Variants in TIAM2 observed in about 807,000 individuals in gnomAD.
TIAM2 encodes TIAM Rac1 associated GEF 2.
In TIAM2, 80 loss-of-function variants were observed where a neutral mutation model predicts 152.9. That is an observed-to-expected ratio of 0.52 (90% CI 0.44 to 0.63). TIAM2 has a LOEUF of 0.63. Ranked by LOEUF, TIAM2 falls within the 30% of genes least tolerant of loss-of-function variation. The pLI is 0.00. For missense variants in TIAM2, 1,965 were observed against 2,120.1 expected, an observed-to-expected ratio of 0.93 and a Z score of 1.44; for synonymous variants, 804 against 838.0, an observed-to-expected ratio of 0.96 and a Z score of 0.70.
chr6:155,125,675 C>T (rs1010772355), intron 2 of TIAM2, among the ~76,000 whole-genome samples: 5 of 152,050 alleles, frequency 3.3e-5, no homozygotes, highest in Admixed American at 2.0e-4. Flanking sequence ...CCTGTCTCTA[C>T]TAAAATCAGA....
chr6:155,241,400 C>T (rs890305449), intron 16 of TIAM2, among the ~76,000 whole-genome samples: 3 of 152,142 alleles, frequency 2.0e-5, no homozygotes, highest in African/African-American at 4.8e-5. Flanking sequence ...CAGCGCGGCA[C>T]GGTGCGGTGG....
At chr6:155,200,225 T>A (rs1781445466) in intron 14 of TIAM2, among the ~76,000 whole-genome samples, 1 of 152,216 alleles carries the variant, frequency 6.6e-6, no homozygotes, top group East Asian at 1.9e-4. Context: ...GGTCTTGTGA[T>A]CATCTGGGGC....
chr6:155,198,947 G>A (rs1781416529), intron 14 of TIAM2, among the ~76,000 whole-genome samples: 3 of 152,136 alleles, frequency 2.0e-5, no homozygotes, highest in Admixed American at 2.0e-4. Flanking sequence ...GGGAGTCCAC[G>A]GAGCCTAGCT....
chr6:155,074,080 C>T lies in TIAM2; in HGVS notation c.-208-16209C>T, dbSNP rs867903675. 3.3e-5 allele frequency among the ~76,000 whole-genome samples: 5 copies of T among 152,220 alleles called. No homozygotes were observed. The South Asian group carries it at 1.0e-3, about 32-fold the overall frequency. On this transcript the variant is annotated intron_variant, in intron 1 of 26. Transcript: ENST00000682666. The stretch of plus-strand genomic sequence containing the variant: ...CACAGTTGCTATCCTGTATTGATGA[C>T]ACCATTATGATACCAGGTCCTACTT...
chr6:155,112,125 CTT>C (rs34148436), intron 2 of TIAM2, among the ~76,000 whole-genome samples: 118 of 131,358 alleles, frequency 9.0e-4, no homozygotes, highest in African/African-American at 2.9e-3. Flanking sequence ...TTGGTTTCCT[CTT>C]TTTTTTTTTT....
At chr6:155,029,135 T>TTA (rs1249555799) in intron 1 of TIAM2, among the ~76,000 whole-genome samples, 5 of 121,022 alleles carry the variant, frequency 4.1e-5, no homozygotes, top group African/African-American at 1.5e-4. Flanking sequence ...GTACTATGTG[T>TTA]TATATACACT....
At chr6:155,074,561 G>A (rs767290398) in intron 1 of TIAM2, among the ~76,000 whole-genome samples, 10 of 151,992 alleles carry the variant, frequency 6.6e-5, no homozygotes, top group Non-Finnish European at 1.5e-4. Flanking sequence ...TGGGCCAGGT[G>A]GGTCTCGAAC....
intron 20 of TIAM2, among the ~76,000 whole-genome samples, 180 bp downstream of exon 20, chr6:155,248,359 T>TG (rs905873198): frequency 1.1e-4 from 17 of 152,250 alleles, no homozygotes; most frequent in Non-Finnish European, 4.4e-5. Context: ...GCTAGGCGTC[T>TG]GGGCACTCCT....
At chr6:155,230,558 G>A (rs1351666472) in intron 15 of TIAM2, among the ~76,000 whole-genome samples, 5 of 113,720 alleles carry the variant, frequency 4.4e-5, no homozygotes, top group Non-Finnish European at 9.4e-5. Flanking sequence ...TCATCAAAGT[G>A]TCTTTATGGA....
intron 1 of TIAM2, among the ~76,000 whole-genome samples, chr6:155,044,069 T>C (rs1394165802): frequency 6.6e-6 from 1 of 152,232 alleles, no homozygotes; most frequent in African/African-American, 2.4e-5. Flanking sequence ...AAGCTTGCCT[T>C]AGATTATATC....
intron 1 of TIAM2, among the ~76,000 whole-genome samples, chr6:155,017,376 C>G (rs1175507791): frequency 6.6e-6 from 1 of 151,958 alleles, no homozygotes; most frequent in East Asian, 1.9e-4. Flanking sequence ...CTGGGGAGAC[C>G]AGGGTAGATG....
In TIAM2 at chr6:155,187,573, C is replaced by CTTTTTTTTTTTTTTTTTTTTTT. The variant is rs59818801; in HGVS notation, c.3064+4075_3064+4096dup. ...AACCCCCCCTCCCCCACCCCGCCCC[C>CTTTTTTTTTTTTTTTTTTTTTT]TTTTTTTTTTTTTTTTTTTTTTTGA... On this transcript the variant is annotated intron_variant, in intron 14 of 26. Coordinates refer to ENST00000682666, the MANE Select transcript of TIAM2 (RefSeq NM_012454.4). Among the ~76,000 whole-genome samples the CTTTTTTTTTTTTTTTTTTTTTT allele has an allele frequency of 2.6e-3, 129 of 49,622 alleles. 4 individuals are homozygous for CTTTTTTTTTTTTTTTTTTTTTT. Among genetic ancestry groups the CTTTTTTTTTTTTTTTTTTTTTT allele is most frequent in the Non-Finnish European group, 3.8e-3 (104 of 27,078 alleles). The allele number at this position is 49,622 out of a possible 152,430, so 32.6% of individuals were successfully genotyped here. A position where few individuals can be genotyped will look rare whatever the true frequency, so the allele number is the denominator to read the frequency against.
intron 1 of TIAM2, among the ~76,000 whole-genome samples, chr6:155,088,688 C>A (rs146814241): frequency 6.6e-6 from 1 of 152,314 alleles, no homozygotes; most frequent in East Asian, 1.9e-4. Flanking sequence ...AGTCCCCTTG[C>A]TCTAAGGCAA....
intron 1 of TIAM2, among the ~76,000 whole-genome samples, chr6:155,033,708 TTTTC>T (rs1776865139): frequency 6.6e-6 from 1 of 151,136 alleles, no homozygotes; most frequent in Non-Finnish European, 1.5e-5. Context: ...CTTGGCTTTC[TTTTC>T]TTTCTTTCTT....
At position 155,018,537 on chromosome 6, in the gene TIAM2, T is replaced by A. The variant is rs188469862; in HGVS notation, c.-209+23045T>A. Among the ~76,000 whole-genome samples the A allele has an allele frequency of 4.4e-4, 66 of 151,276 alleles. 1 individual carries two copies. Among genetic ancestry groups the A allele is most frequent in the African/African-American group, 1.6e-3 (65 of 41,212 alleles). On this transcript the variant is annotated intron_variant, in intron 1 of 26. Coordinates refer to ENST00000682666, the MANE Select transcript of TIAM2 (RefSeq NM_012454.4). ...AGGAGGCTGAGGCACAAGAATTGCT[T>A]GAACCAGGGGGGCGGAACTTTTAGT... is the stretch of plus-strand genomic sequence containing the variant.
At chr6:155,244,561 A>G (rs1057464604) in intron 17 of TIAM2, 97 bp from the exon 18 acceptor site, 21 of 1,424,668 alleles carry the variant, frequency 1.5e-5, no homozygotes, top group Non-Finnish European at 1.9e-5. Flanking sequence ...TTTTCCGTGA[A>G]GAATTTCCTT....
Position 155,129,241 on chromosome 6 carries a change from T to A in TIAM2, c.18T>A (p.Ser6Arg). The stretch of plus-strand genomic sequence containing the variant: ...AGGTTAAAATGGGCAACTCCGACAG[T>A]CAGTACACCCTTCAAGGATCTAAAA... Reference protein sequence around the residue: MGNSDSQYTLQGSKNH... With the variant: MGNSDRQYTLQGSKNH... The change falls in exon 4 of 27, where the codon AGT (serine) becomes AGA (arginine). Residue 6 changes from serine to arginine, a missense_variant. Coordinates refer to ENST00000682666, the MANE Select transcript of TIAM2 (RefSeq NM_012454.4). The surrounding 1 kb of genome is among the most constrained non-coding windows in gnomAD (Gnocchi z 4.8). The A allele has an allele frequency of 6.2e-7, 1 of 1,613,516 alleles. No homozygotes were observed.
At chr6:155,168,741 C>G (rs1431170312) in intron 9 of TIAM2, 18 of 958,182 alleles carry the variant, frequency 1.9e-5, no homozygotes, top group South Asian at 1.5e-4. Flanking sequence ...TGAAGCTCTT[C>G]TAAAATGTTA....
At chr6:155,042,390 G>GT (rs1777067923) in intron 1 of TIAM2, among the ~76,000 whole-genome samples, 1 of 152,144 alleles carries the variant, frequency 6.6e-6, no homozygotes, top group Non-Finnish European at 1.5e-5. Context: ...GAGGTCTGGA[G>GT]TTTGAGACCA....
Sources: allele counts gnomAD v4.1 joint callset (sites outside exome capture counted in the v4.1 genomes callset), GRCh38; gene constraint gnomAD v4.1.1; non-coding constraint Gnocchi (gnomAD v3.1); transcripts MANE v1.5; gene names NCBI Gene and HGNC (gene_info 2026-07-23, HGNC 2026-07-21).